The following MTDH variants were observed in gnomAD, a reference collection of about 807,000 sequenced individuals.
MTDH encodes metadherin, also known as protein LYRIC.
In MTDH, 34 loss-of-function variants were observed where a neutral mutation model predicts 72.7. The ratio of observed to expected loss-of-function variants is 0.47; its 90% CI spans 0.36 to 0.62. MTDH has a LOEUF of 0.62. MTDH is among the 20% of genes least tolerant of loss of function. The pLI is 0.00. For missense variants in MTDH, 677 were observed against 699.4 expected (o/e 0.97, Z 0.36); for synonymous variants, 266 against 268.9 (o/e 0.99, Z 0.10).
intron 9 of MTDH, among the ~76,000 whole-genome samples, chr8:97,716,378 C>T (rs1563568749): frequency 1.4e-5 from 2 of 147,938 alleles, no homozygotes; most frequent in Non-Finnish European, 3.0e-5. Flanking sequence ...AAGAGTGAAA[C>T]TCCATCTTAA....
At chr8:97,659,292 A>C (rs1332836999) in intron 1 of MTDH, among the ~76,000 whole-genome samples, 1 of 143,750 alleles carries the variant, frequency 7.0e-6, no homozygotes, top group Non-Finnish European at 1.6e-5. Flanking sequence ...CCCCATATGC[A>C]TAAATAACAG....
chr8:97,718,342 A>G (rs1025881076), intron 9 of MTDH, among the ~76,000 whole-genome samples: 33 of 152,318 alleles, frequency 2.2e-4, no homozygotes, highest in African/African-American at 6.5e-4. Flanking sequence ...TGCCAAATCT[A>G]TCCCTGAGAT....
In MTDH at chr8:97,725,086, C is replaced by T. The variant is rs1300523451; in HGVS notation, c.*416C>T. The T allele has an allele frequency of 6.5e-6, 1 of 153,228 alleles. No homozygotes were observed. The highest frequency in any genetic ancestry group is 1.5e-5 in the Non-Finnish European group (1 of 68,466). The allele number at this position is 153,228 out of a possible 1,614,324, so 9.5% of individuals were successfully genotyped here. ...TGCACAGAACTTGTACCATTTGAAT[C>T]TGTTTTATGCTTAAATCAAAGTGCT... On this transcript the variant is annotated 3_prime_UTR_variant, in exon 12 of 12. Coordinates refer to ENST00000336273, the MANE Select transcript of MTDH (RefSeq NM_178812.4).
At chr8:97,717,622 TC>T (rs35043860) in intron 9 of MTDH, among the ~76,000 whole-genome samples, 53,017 of 132,536 alleles carry the variant, frequency 0.4, 10,069 homozygotes, top group East Asian at 0.65. Flanking sequence ...TAAATTTTTA[TC>T]CCCCCCCCCC....
In MTDH at chr8:97,708,581, C is replaced by CTTTTTTT. The variant is rs1174573079; in HGVS notation, c.1272+1863_1272+1869dup. The stretch of plus-strand genomic sequence containing the variant: ...ACAGGCATGAGCCACCATGCCAGGC[C>CTTTTTTT]TTTTTTTTTTTTTTTTTTTTTTTTT... On this transcript the variant is annotated intron_variant, in intron 8 of 11. Coordinates refer to ENST00000336273, the MANE Select transcript of MTDH (RefSeq NM_178812.4). 1.7e-4 allele frequency among the ~76,000 whole-genome samples: 5 copies of CTTTTTTT among 30,258 alleles called. 2 individuals are homozygous for CTTTTTTT. The highest frequency in any genetic ancestry group is 7.4e-4 in the African/African-American group (3 of 4,076). The allele number at this position is 30,258 out of a possible 152,430, so 19.9% of individuals were successfully genotyped here. A position where few individuals can be genotyped will look rare whatever the true frequency, so the allele number is the denominator to read the frequency against.
intron 4 of MTDH, among the ~76,000 whole-genome samples, chr8:97,688,516 T>G (rs1332633004): frequency 6.6e-6 from 1 of 152,236 alleles, no homozygotes; most frequent in African/African-American, 2.4e-5. Flanking sequence ...ATGCTGGTTT[T>G]TTTAAACATT....
chr8:97,682,230 TTATATATATATATATATATATATA>T (rs71271143), intron 2 of MTDH, among the ~76,000 whole-genome samples: 557 of 33,718 alleles, frequency 0.017, 25 homozygotes, highest in African/African-American at 0.051. Flanking sequence ...GTTAATTACT[TTATATATATATATATATATATATA>T]TATATATATA....
rs193285021 is a variant in MTDH, at chr8:97,700,339, A to T, written c.1147+487A>T. Among the ~76,000 whole-genome samples the T allele has an allele frequency of 1.8e-3, 275 of 152,278 alleles. 6 individuals carry two copies. The highest frequency in any genetic ancestry group is 6.5e-4 in the Non-Finnish European group (44 of 68,020). On this transcript the variant is annotated intron_variant, in intron 7 of 11. Coordinates refer to ENST00000336273, the MANE Select transcript of MTDH (RefSeq NM_178812.4). ...ATGCCGTCTTCATTTAAAAAAAAAA[A>T]ATTATGAGTTTTTTTTCCTCACAAA...
At chr8:97,659,618 C>CA (rs1308761764) in intron 1 of MTDH, among the ~76,000 whole-genome samples, 1 of 152,176 alleles carries the variant, frequency 6.6e-6, no homozygotes, top group East Asian at 1.9e-4. Context: ...ACTTGGAACA[C>CA]TTTGTATTGT....
At chr8:97,676,739 C>T (rs948819821) in intron 2 of MTDH, among the ~76,000 whole-genome samples, 2 of 151,500 alleles carry the variant, frequency 1.3e-5, no homozygotes, top group African/African-American at 4.9e-5. Context: ...TGTGGTGGCT[C>T]ATGCCTGTAA....
intron 1 of MTDH, among the ~76,000 whole-genome samples, chr8:97,655,064 A>C (rs969915057): frequency 1.3e-5 from 2 of 152,144 alleles, no homozygotes; most frequent in Non-Finnish European, 2.9e-5. Flanking sequence ...ACACCACTGC[A>C]CTCCAGCCTG....
intron 6 of MTDH, among the ~76,000 whole-genome samples, chr8:97,697,817 C>T (rs1363983248): frequency 6.6e-6 from 1 of 152,098 alleles, no homozygotes; most frequent in Non-Finnish European, 1.5e-5. Flanking sequence ...CATTTCATTT[C>T]CAGAGGTACA....
At chr8:97,713,544 A>G (rs1814722505) in intron 8 of MTDH, 118 bp from the exon 9 acceptor site, 3 of 573,840 alleles carry the variant, frequency 5.2e-6, no homozygotes, top group Admixed American at 2.9e-5. Flanking sequence ...ACTAGTTTTT[A>G]TTTAGATTTT....
At chr8:97,645,150 C>G (rs1275965531) in intron 1 of MTDH, among the ~76,000 whole-genome samples, 2 of 152,094 alleles carry the variant, frequency 1.3e-5, no homozygotes, top group Non-Finnish European at 2.9e-5. Context: ...AGATAGGCGC[C>G]CAGAGGTCAA....
intron 7 of MTDH, among the ~76,000 whole-genome samples, chr8:97,704,144 T>C (rs977432996): frequency 9.9e-5 from 15 of 152,212 alleles, no homozygotes; most frequent in African/African-American, 3.4e-4. Flanking sequence ...TAAATTCTTA[T>C]GTTGTCTCTC....
intron 8 of MTDH, among the ~76,000 whole-genome samples, chr8:97,708,972 C>T (rs1814504624): frequency 6.6e-6 from 1 of 151,712 alleles, no homozygotes; most frequent in Non-Finnish European, 1.5e-5. Context: ...GTGGGTAGAT[C>T]ACAAGGTCAG....
intron 7 of MTDH, 49 bp downstream of exon 7, chr8:97,699,901 C>T (rs1814035917): frequency 2.5e-6 from 3 of 1,203,878 alleles, no homozygotes; most frequent in Non-Finnish European, 3.7e-6. Context: ...AGTTTTCTTT[C>T]TAGCACCCTG....
intron 2 of MTDH, among the ~76,000 whole-genome samples, chr8:97,672,532 C>T (rs926246223): frequency 1.3e-5 from 2 of 152,096 alleles, no homozygotes; most frequent in Admixed American, 1.3e-4. Flanking sequence ...AAAAGAATAC[C>T]ATACCAGGAA....
chr8:97,715,982 T>G (rs1055663073), intron 9 of MTDH, among the ~76,000 whole-genome samples: 2 of 152,200 alleles, frequency 1.3e-5, no homozygotes, highest in Admixed American at 6.5e-5. Flanking sequence ...TGAATCTTGT[T>G]CTGTCATTTT....
Sources: gnomAD v4.1 joint callset for allele counts (sites outside exome capture counted in the v4.1 genomes callset) on GRCh38, gnomAD v4.1.1 for gene constraint, MANE v1.5 for transcripts, NCBI Gene and HGNC (gene_info 2026-07-23, HGNC 2026-07-21) for gene names.